The following SCFD1 variants were observed in gnomAD, a reference collection of about 807,000 sequenced individuals.
SCFD1 encodes the protein sec1 family domain containing 1.
SCFD1 carries 37 observed loss-of-function variants against 103.2 expected under a neutral mutation model. That is an observed-to-expected ratio of 0.36 (90% CI 0.28 to 0.47). The LOEUF is 0.47. SCFD1 is among the 20% of genes least tolerant of loss of function. The probability of loss-of-function intolerance (pLI) is 1.00; values close to 1 mark genes in which losing one functional copy is unlikely to be tolerated. For missense variants in SCFD1, 639 were observed against 761.2 expected (o/e 0.84, Z 1.89); for synonymous variants, 264 against 245.0 (o/e 1.08, Z -0.73).
chr14:30,622,329 G>C lies in SCFD1; in HGVS notation c.-10G>C. 6 of 1,584,816 alleles carry C rather than the reference G, an allele frequency of 3.8e-6. No homozygotes were observed. The highest frequency in any genetic ancestry group is 5.1e-6 in the Non-Finnish European group (6 of 1,166,640). On this transcript the variant is annotated 5_prime_UTR_variant, in exon 1 of 25. Transcript: ENST00000458591. ...GCTCCCCAGCCGGGCAGTGGCTCGT[G>C]GGAGCCAAGATGGCGGCGGCGGCGG... is the stretch of plus-strand genomic sequence containing the variant.
intron 19 of SCFD1, among the ~76,000 whole-genome samples, chr14:30,714,271 G>A (rs950320557): frequency 1.6e-4 from 24 of 151,436 alleles, no homozygotes; most frequent in African/African-American, 5.3e-4. Context: ...GGAGAACGGC[G>A]TGAACCCGGG....
intron 19 of SCFD1, among the ~76,000 whole-genome samples, chr14:30,711,160 T>C (rs1891841214): frequency 6.6e-6 from 1 of 152,044 alleles, no homozygotes; most frequent in Non-Finnish European, 1.5e-5. Context: ...TTTACTCTCT[T>C]TGGCCTGTTT....
rs1566564358 is a variant in SCFD1 at position 30,622,354 on chromosome 14, G to GCAGCGA, written c.21_26dup (p.Thr8_Ala9dup). ...GGGAGCCAAGATGGCGGCGGCGGCG[G>GCAGCGA]CAGCGACAGCAGCAGCAGCAGCCAG... On this transcript the variant is annotated inframe_insertion, in exon 1 of 25. Coordinates refer to ENST00000458591, the MANE Select transcript of SCFD1 (RefSeq NM_016106.4). 5 of 1,566,116 alleles carry GCAGCGA rather than the reference G, an allele frequency of 3.2e-6. No individual in the cohort carries two copies. Among genetic ancestry groups the GCAGCGA allele is most frequent in the East Asian group, 2.4e-5 (1 of 42,156 alleles).
intron 10 of SCFD1, among the ~76,000 whole-genome samples, chr14:30,664,852 A>T (rs1297099218): frequency 2.0e-5 from 3 of 152,226 alleles, no homozygotes; most frequent in Non-Finnish European, 4.4e-5. Context: ...AGAAAAAAAG[A>T]GTAAAAAGAA....
intron 14 of SCFD1, among the ~76,000 whole-genome samples, chr14:30,692,715 A>G (rs1476554903): frequency 6.6e-6 from 1 of 152,240 alleles, no homozygotes; most frequent in Non-Finnish European, 1.5e-5. Flanking sequence ...TAGCTGGATC[A>G]GAGGGCCTGA....
At chr14:30,701,969 A>G (rs1891110263) in intron 16 of SCFD1, among the ~76,000 whole-genome samples, 1 of 152,248 alleles carries the variant, frequency 6.6e-6, no homozygotes, top group African/African-American at 2.4e-5. Context: ...GTCAAACCAA[A>G]TCATTCATTT....
chr14:30,645,777 A>G (rs1217177800), intron 7 of SCFD1, among the ~76,000 whole-genome samples: 2 of 152,160 alleles, frequency 1.3e-5, no homozygotes, highest in Non-Finnish European at 2.9e-5. Flanking sequence ...CTGCAAAGAG[A>G]TAGTATGACT....
chr14:30,661,315 T>C (rs936445970), intron 10 of SCFD1, among the ~76,000 whole-genome samples: 8 of 152,158 alleles, frequency 5.3e-5, no homozygotes, highest in African/African-American at 1.7e-4. Context: ...ATGACTGTTA[T>C]GTAAAGCAGA....
chr14:30,731,837 C>T (rs1402872280), intron 23 of SCFD1, among the ~76,000 whole-genome samples: 1 of 152,150 alleles, frequency 6.6e-6, no homozygotes, highest in Non-Finnish European at 1.5e-5. Context: ...TAATTGAATA[C>T]CCTGTATTTC....
At chr14:30,703,957 ATATAT>A (rs1566645987) in intron 17 of SCFD1, among the ~76,000 whole-genome samples, 11 of 51,064 alleles carry the variant, frequency 2.2e-4, no homozygotes, top group East Asian at 3.1e-3. Flanking sequence ...ATATATATAT[ATATAT>A]AAATAATGAG....
intron 12 of SCFD1, among the ~76,000 whole-genome samples, 157 bp downstream of exon 12, chr14:30,673,504 A>C (rs963775359): frequency 2.6e-5 from 4 of 152,212 alleles, no homozygotes; most frequent in Admixed American, 6.5e-5. Flanking sequence ...AAAGAAATCT[A>C]AATATTGAGA....
At chr14:30,684,488 A>G (rs1484721672) in intron 14 of SCFD1, among the ~76,000 whole-genome samples, 3 of 152,214 alleles carry the variant, frequency 2.0e-5, no homozygotes, top group South Asian at 2.1e-4. Flanking sequence ...TTGATATAAT[A>G]TAAATTGAGG....
At chr14:30,709,853 T>G (rs1891742499) in intron 19 of SCFD1, among the ~76,000 whole-genome samples, 1 of 152,254 alleles carries the variant, frequency 6.6e-6, no homozygotes, top group Non-Finnish European at 1.5e-5. Flanking sequence ...ATAGACTGGC[T>G]ATTACATAAC....
chr14:30,724,123 A>G (rs141997295), intron 23 of SCFD1, among the ~76,000 whole-genome samples: 5,920 of 143,940 alleles, frequency 0.041, 144 homozygotes, highest in Middle Eastern at 0.073. Flanking sequence ...ATGGTATCTC[A>G]TTGTGGTTTC....
chr14:30,713,135 G>T lies in SCFD1; in HGVS notation c.1630-2789G>T, dbSNP rs2139382521. ...TTTTTTAATGATTAAGTCAATTCAG[G>T]CCTTTATCTAGGCAAAGAATGAAGG... is the stretch of plus-strand genomic sequence containing the variant. On this transcript the variant is annotated intron_variant, in intron 19 of 24. Coordinates refer to ENST00000458591, the MANE Select transcript of SCFD1 (RefSeq NM_016106.4). Among the ~76,000 whole-genome samples, 3 of 151,996 alleles carry T rather than the reference G, an allele frequency of 2.0e-5. No homozygotes were observed. In the South Asian group the frequency reaches 6.2e-4, roughly 32 times the overall value.
chr14:30,656,899 C>G (rs1334270442), intron 10 of SCFD1, among the ~76,000 whole-genome samples: 1 of 151,786 alleles, frequency 6.6e-6, no homozygotes, highest in Non-Finnish European at 1.5e-5. Context: ...GACAGGATTT[C>G]TAGAGTAGGG....
At chr14:30,664,843 G>GA (rs1358412047) in intron 10 of SCFD1, among the ~76,000 whole-genome samples, 1 of 152,018 alleles carries the variant, frequency 6.6e-6, no homozygotes, top group Non-Finnish European at 1.5e-5. Flanking sequence ...GAAGTTTAGA[G>GA]AAAAAAAGAG....
chr14:30,644,715 ATTTG>A (rs1279911780), intron 7 of SCFD1, among the ~76,000 whole-genome samples: 2 of 151,814 alleles, frequency 1.3e-5, no homozygotes, highest in Non-Finnish European at 2.9e-5. Flanking sequence ...TTGCTTGTCG[ATTTG>A]TTTAAGTTCC....
At chr14:30,699,929 C>A (rs184925258) in intron 15 of SCFD1, among the ~76,000 whole-genome samples, 5 of 152,278 alleles carry the variant, frequency 3.3e-5, no homozygotes, top group Non-Finnish European at 7.4e-5. Context: ...AAAGGGAAAT[C>A]TCAACATTAT....
Sources: allele counts gnomAD v4.1 joint callset (sites outside exome capture counted in the v4.1 genomes callset), GRCh38; gene constraint gnomAD v4.1.1; transcripts MANE v1.5; gene names NCBI Gene and HGNC (gene_info 2026-07-23, HGNC 2026-07-21).